The following ABCC8 variants were observed in gnomAD, a reference collection of about 807,000 sequenced individuals.
ABCC8 encodes ATP binding cassette subfamily C member 8.
ABCC8 carries 137 observed loss-of-function variants against 188.0 expected under a neutral mutation model. That is an observed-to-expected ratio of 0.73 (90% CI 0.63 to 0.84). The LOEUF is 0.84. Among genes scored for constraint, ABCC8 ranks in the 40% least tolerant of loss-of-function variants. The pLI is 0.00. For missense variants in ABCC8, 1,750 were observed against 2,072.7 expected, an observed-to-expected ratio of 0.84 and a Z score of 3.02; for synonymous variants, 797 against 846.5, an observed-to-expected ratio of 0.94 and a Z score of 1.01.
intron 16 of ABCC8, among the ~76,000 whole-genome samples, chr11:17,423,444 G>A (rs1172001880): frequency 6.6e-6 from 1 of 150,776 alleles, no homozygotes; most frequent in Non-Finnish European, 1.5e-5. Flanking sequence ...TATACACTAG[G>A]CGCTCAACTG....
chr11:17,396,577 C>G (rs1190951659), intron 33 of ABCC8: 1 of 365,816 alleles, frequency 2.7e-6, no homozygotes. Context: ...CCCCAGGTCC[C>G]TGCCCTGAAG....
rs559717781 is a variant in ABCC8, at chr11:17,393,352, C to T, written c.4609-224G>A. 513 of 686,550 alleles carry T rather than the reference C, an allele frequency of 7.5e-4. 2 individuals are homozygous for T. Among genetic ancestry groups the T allele is most frequent in the Middle Eastern group, 1.6e-3 (4 of 2,442 alleles). 42.5% of individuals were successfully genotyped at this position (686,550 alleles called of 1,614,324 possible). On this transcript the variant is annotated intron_variant, in intron 38 of 38. Transcript: ENST00000389817. The stretch of plus-strand genomic sequence containing the variant: ...CTCTCCAAGTCCCAACTCTACCCCA[C>T]CTCCAGGCTTCAAGGCTCAGAGACC...
chr11:17,405,369 G>A (rs544649669), intron 27 of ABCC8, 125 bp downstream of exon 27: 1 of 1,456,348 alleles, frequency 6.9e-7, no homozygotes, highest in South Asian at 1.2e-5. Context: ...TCGGATCGGG[G>A]ACACTGGCTT....
At chr11:17,452,639 A>G (rs1245600214) in intron 7 of ABCC8, among the ~76,000 whole-genome samples, 1 of 152,184 alleles carries the variant, frequency 6.6e-6, no homozygotes, top group African/African-American at 2.4e-5. Context: ...TCAGTTCCTA[A>G]CAGGCCATGG....
chr11:17,407,260 A>G (rs2133448722), intron 24 of ABCC8, 94 bp downstream of exon 24: 1 of 1,610,960 alleles, frequency 6.2e-7, no homozygotes, highest in East Asian at 2.2e-5. Context: ...TCAAAGGCAC[A>G]CTACTGCACC....
rs751591418 is a variant in ABCC8 at position 17,394,296 on chromosome 11, G to A, written c.4515C>T (p.Asp1505=). Residue 1505 remains aspartate, a synonymous_variant, in exon 37 of 39, where the codon GAC becomes GAT. Coordinates refer to ENST00000389817, the MANE Select transcript of ABCC8 (RefSeq NM_000352.6). Reference sequence around the variant, plus strand: ...CCATGTCAATGGAAGCCGTGGCCTCGTCCATGATGAAGATGCTGGTCTTCC... The same window carrying A: ...CCATGTCAATGGAAGCCGTGGCCTCATCCATGATGAAGATGCTGGTCTTCC... ...FVRKTSIFIM[D]EATASIDMAT... is the part of the protein sequence containing the mutation. The A allele has an allele frequency of 1.2e-5, 20 of 1,613,842 alleles. No individual in the cohort carries two copies. Among genetic ancestry groups the A allele is most frequent in the African/African-American group, 8.0e-5 (6 of 74,910 alleles).
At chr11:17,399,017 C>T (rs1954087234) in intron 29 of ABCC8, 1 of 162,924 alleles carries the variant, frequency 6.1e-6, no homozygotes, top group African/African-American at 2.4e-5. Context: ...CCCTGTAATC[C>T]CAGCACTTTG....
chr11:17,421,412 A>G (rs545833626), intron 16 of ABCC8, among the ~76,000 whole-genome samples: 28 of 152,352 alleles, frequency 1.8e-4, no homozygotes, highest in South Asian at 8.3e-4. Flanking sequence ...GTCAAGATGC[A>G]TTATAATGGC....
intron 10 of ABCC8, among the ~76,000 whole-genome samples, chr11:17,435,207 C>T (rs1000218088): frequency 3.9e-5 from 6 of 152,090 alleles, no homozygotes; most frequent in Admixed American, 6.6e-5. Context: ...AATAACACTG[C>T]GTAGGTGTTA....
intron 19 of ABCC8, among the ~76,000 whole-genome samples, chr11:17,413,908 C>G (rs1954938470): frequency 6.6e-6 from 1 of 152,132 alleles, no homozygotes; most frequent in Non-Finnish European, 1.5e-5. Flanking sequence ...TGGGCAGGTG[C>G]CAGCCAGAGT....
intron 38 of ABCC8, 63 bp downstream of exon 38, chr11:17,393,634 C>A: frequency 6.2e-7 from 1 of 1,608,328 alleles, no homozygotes; most frequent in Non-Finnish European, 8.5e-7. Context: ...GCACTGATGA[C>A]GGCCACAACA....
intron 21 of ABCC8, among the ~76,000 whole-genome samples, chr11:17,412,459 T>C (rs1954858588): frequency 8.4e-6 from 1 of 119,506 alleles, no homozygotes; most frequent in Non-Finnish European, 2.1e-5. Flanking sequence ...CAGAGCTCCA[T>C]CTGAAGTCTG....
chr11:17,475,972 CTGCGTCGGCGAGTCGGAGCTACTT>C (rs1409576468), intron 1 of ABCC8, among the ~76,000 whole-genome samples: 1 of 152,206 alleles, frequency 6.6e-6, no homozygotes, highest in Non-Finnish European at 1.5e-5. Context: ...GCCGGGGTCG[CTGCGTCGGCGAGTCGGAGCTACTT>C]TGCGCAGAGC....
At chr11:17,408,308 G>T in intron 23 of ABCC8, 84 bp downstream of exon 23, 1 of 1,358,330 alleles carries the variant, frequency 7.4e-7, no homozygotes, top group Non-Finnish European at 1.0e-6. Context: ...GGGCACTAAG[G>T]ACAGGAAGAC....
At chr11:17,475,051 C>T (rs1403124662) in intron 1 of ABCC8, 24 bp from the exon 2 acceptor site, 1 of 1,613,784 alleles carries the variant, frequency 6.2e-7, no homozygotes, top group Non-Finnish European at 8.5e-7. Context: ...CAGTCAGAGG[C>T]AGGATGCCTG....
In ABCC8 at chr11:17,448,818, C is replaced by T. The variant is rs989305029; in HGVS notation, c.1177-147G>A. 1.6e-5 allele frequency: 21 copies of T among 1,296,974 alleles called. No homozygotes were observed. In the Admixed American group the frequency reaches 2.6e-4, roughly 16 times the overall value. 80.3% of individuals were successfully genotyped at this position (1,296,974 alleles called of 1,614,324 possible). A position where few individuals can be genotyped will look rare whatever the true frequency, so the allele number is the denominator to read the frequency against. ...GCTCTGTAAGGTGGTACTGTATCAC[C>T]GTTCCAACTTACTAGTCTACTCCAG... On this transcript the variant is annotated intron_variant, in intron 7 of 38. Transcript: ENST00000389817.
intron 29 of ABCC8, among the ~76,000 whole-genome samples, chr11:17,398,656 T>C (rs927854272): frequency 7.2e-5 from 11 of 152,108 alleles, no homozygotes; most frequent in African/African-American, 2.2e-4. Flanking sequence ...CAAACTCTTG[T>C]TTTCACCCCA....
Position 17,443,250 on chromosome 11 carries a change from A to T in ABCC8, c.1395T>A (p.Ala465=). 3 of 1,614,150 alleles carry T rather than the reference A, an allele frequency of 1.9e-6. No homozygotes were observed. The South Asian group carries it at 3.3e-5, about 18-fold the overall frequency. The change falls in exon 9 of 39, where the codon GCT becomes GCA. Residue 465 remains alanine (A), a synonymous_variant. Transcript: ENST00000389817. ...ILGVSALIGA[A]VIILLAPVQY... ...GGACAGGAGCCAGTAGAATGATGAC[A>T]GCTGCTCCAATTAAGGCACTGACTC...
At position 17,475,624 on chromosome 11, in the gene ABCC8, T is replaced by C. The variant is rs76469685; in HGVS notation, c.149-597A>G. 5.5e-3 allele frequency among the ~76,000 whole-genome samples: 844 copies of C among 152,342 alleles called. 8 individuals are homozygous for C. The highest frequency in any genetic ancestry group is 9.2e-3 in the Non-Finnish European group (627 of 68,036). On this transcript the variant is annotated intron_variant, in intron 1 of 38. Coordinates refer to ENST00000389817, the MANE Select transcript of ABCC8 (RefSeq NM_000352.6). ...AGTGTAAATGCTGTTCTTTTTTGAT[T>C]TTTGATGCACATATGAGCACATATT...
Sources: gnomAD v4.1 joint callset for allele counts (sites outside exome capture counted in the v4.1 genomes callset) on GRCh38, gnomAD v4.1.1 for gene constraint, MANE v1.5 for transcripts, NCBI Gene and HGNC (gene_info 2026-07-23, HGNC 2026-07-21) for gene names.